Variants in GALNT14 observed in about 807,000 individuals in gnomAD.
GALNT14 encodes the protein polypeptide N-acetylgalactosaminyltransferase 14.
GALNT14 carries 60 observed loss-of-function variants against 77.5 expected under a neutral mutation model. The ratio of observed to expected loss-of-function variants is 0.77; its 90% CI spans 0.63 to 0.96. The LOEUF is 0.96. GALNT14 is among the 40% of genes least tolerant of loss of function. The pLI is 0.00. For missense variants in GALNT14, 710 were observed against 731.0 expected (o/e 0.97, Z 0.33); for synonymous variants, 280 against 281.7 (o/e 0.99, Z 0.06).
intron 1 of GALNT14, among the ~76,000 whole-genome samples, chr2:31,001,328 A>G (rs561065699): frequency 1.3e-5 from 2 of 152,296 alleles, no homozygotes; most frequent in South Asian, 4.1e-4. Context: ...AGAAGGAGTG[A>G]AGCCAGGAAA....
chr2:30,896,692 T>C, the GALNT14 span, among the ~76,000 whole-genome samples: 1 of 152,174 alleles, frequency 6.6e-6, no homozygotes, highest in East Asian at 1.9e-4. Flanking sequence ...GGTTATTGGA[T>C]ACTCAAATGG....
chr2:31,000,887 T>C (rs1282689928), intron 1 of GALNT14, among the ~76,000 whole-genome samples: 1 of 152,162 alleles, frequency 6.6e-6, no homozygotes, highest in Admixed American at 6.5e-5. Context: ...AGGGAACTAG[T>C]GAGTGAGGGG....
Position 31,138,198 on chromosome 2 carries a change from A to G in GALNT14, c.-112T>C. On this transcript the variant is annotated 5_prime_UTR_variant, in exon 1 of 15. Transcript: ENST00000349752. ...AGCGCCTCGCTCTGGGGAGCTCTAG[A>G]CCCAGGATCCGGTTGGAGGGGCGGC... The G allele has an allele frequency of 7.3e-7, 1 of 1,377,796 alleles. No homozygotes were observed. The highest frequency in any genetic ancestry group is 1.0e-6 in the Non-Finnish European group (1 of 1,004,150). The allele number at this position is 1,377,796 out of a possible 1,614,324, so 85.3% of individuals were successfully genotyped here.
chr2:30,991,688 A>G (rs1669715351), intron 2 of GALNT14, among the ~76,000 whole-genome samples: 1 of 152,102 alleles, frequency 6.6e-6, no homozygotes, highest in African/African-American at 2.4e-5. Flanking sequence ...GGAAACCAAT[A>G]CTTCAGCTGC....
At chr2:30,933,643 C>G (rs552564877) in intron 9 of GALNT14, among the ~76,000 whole-genome samples, 1 of 152,124 alleles carries the variant, frequency 6.6e-6, no homozygotes, top group East Asian at 1.9e-4. Context: ...AGGGTGGGGA[C>G]CATGTAGACT....
intron 2 of GALNT14, among the ~76,000 whole-genome samples, chr2:30,974,650 G>T (rs1289487346): frequency 6.6e-6 from 1 of 152,140 alleles, no homozygotes; most frequent in Admixed American, 6.5e-5. Flanking sequence ...ATCTTGGCTT[G>T]GAAGTTACTT....
At position 30,932,054 on chromosome 2, in the gene GALNT14, C is replaced by T. The variant is rs1665763924; in HGVS notation, c.1058+14G>A. 5.3e-6 allele frequency: 8 copies of T among 1,512,452 alleles called. No homozygotes were observed. The highest frequency in any genetic ancestry group is 1.4e-5 in the African/African-American group (1 of 70,978). 93.7% of individuals were successfully genotyped at this position (1,512,452 alleles called of 1,614,324 possible). On this transcript the variant is annotated intron_variant, in intron 10 of 14. Coordinates refer to ENST00000349752, the MANE Select transcript of GALNT14 (RefSeq NM_024572.4). ...GTGCTGCTGCCCACCCGCGCTGAGC[C>T]CCTGGGCACTTACTTTATATACGTG...
chr2:30,971,857 C>A (rs147480550), intron 2 of GALNT14, among the ~76,000 whole-genome samples: 1 of 152,060 alleles, frequency 6.6e-6, no homozygotes, highest in Non-Finnish European at 1.5e-5. Flanking sequence ...GCGTGCGATG[C>A]CTTTTATTTT....
chr2:31,081,365 T>G (rs75387476), intron 1 of GALNT14, among the ~76,000 whole-genome samples: 1 of 152,244 alleles, frequency 6.6e-6, no homozygotes, highest in Non-Finnish European at 1.5e-5. Flanking sequence ...TGATTCAGTC[T>G]AAACTTGGAA....
intron 1 of GALNT14, among the ~76,000 whole-genome samples, chr2:31,075,566 G>C (rs1185377957): frequency 6.6e-6 from 1 of 152,226 alleles, no homozygotes. Flanking sequence ...GAAATAGAGA[G>C]GCACAGCAGG....
chr2:30,933,042 A>T (rs1665835542), intron 9 of GALNT14, among the ~76,000 whole-genome samples: 1 of 152,184 alleles, frequency 6.6e-6, no homozygotes, highest in Admixed American at 6.5e-5. Flanking sequence ...ACTGTACCCC[A>T]GCAGGCTTGA....
chr2:30,986,456 A>C (rs143402562), intron 2 of GALNT14, among the ~76,000 whole-genome samples: 72 of 152,268 alleles, frequency 4.7e-4, no homozygotes, highest in African/African-American at 1.7e-3. Flanking sequence ...CCACTTGGAT[A>C]ATGGCAAATC....
chr2:30,915,586 T>C (rs1003608473), intron 13 of GALNT14, among the ~76,000 whole-genome samples: 4 of 152,094 alleles, frequency 2.6e-5, no homozygotes, highest in African/African-American at 9.7e-5. Flanking sequence ...AGAAGGGCCA[T>C]GATGAATGAG....
At chr2:31,012,101 G>A (rs150148359) in intron 1 of GALNT14, among the ~76,000 whole-genome samples, 31 of 152,278 alleles carry the variant, frequency 2.0e-4, no homozygotes, top group African/African-American at 7.0e-4. Flanking sequence ...TTGCAGAGCC[G>A]ACCAACAGAT....
chr2:31,083,304 C>T (rs941148503), intron 1 of GALNT14, among the ~76,000 whole-genome samples: 5 of 152,128 alleles, frequency 3.3e-5, no homozygotes, highest in Non-Finnish European at 5.9e-5. Flanking sequence ...AGCAGGGAGC[C>T]AAGCACCACA....
chr2:31,043,992 T>C (rs111730377), intron 1 of GALNT14, among the ~76,000 whole-genome samples: 2,555 of 152,326 alleles, frequency 0.017, 77 homozygotes, highest in African/African-American at 0.056. Context: ...CCCCGCCCTC[T>C]GTGCTGTTGT....
intron 1 of GALNT14, among the ~76,000 whole-genome samples, chr2:31,035,602 C>CATAT (rs1558512266): frequency 3.7e-5 from 2 of 54,202 alleles, no homozygotes; most frequent in African/African-American, 1.7e-4. Flanking sequence ...TATACATATA[C>CATAT]ACACACACAC....
At chr2:30,911,341 C>T (rs973604117) in intron 14 of GALNT14, among the ~76,000 whole-genome samples, 3 of 152,066 alleles carry the variant, frequency 2.0e-5, no homozygotes, top group Non-Finnish European at 4.4e-5. Flanking sequence ...AAACATGAAG[C>T]GAGTTAGTCA....
At chr2:31,067,158 T>C (rs12466133) in intron 1 of GALNT14, among the ~76,000 whole-genome samples, 70,460 of 152,086 alleles carry the variant, frequency 0.46, 16,535 homozygotes, top group Middle Eastern at 0.53. Flanking sequence ...CCAGCCTCCC[T>C]GGCCTTGGTC....
Sources: gnomAD v4.1 joint callset for allele counts (sites outside exome capture counted in the v4.1 genomes callset) on GRCh38, gnomAD v4.1.1 for gene constraint, MANE v1.5 for transcripts, NCBI Gene and HGNC (gene_info 2026-07-23, HGNC 2026-07-21) for gene names.